MGMT: variants seen among roughly 807,000 people sequenced by gnomAD.
The protein encoded by MGMT is methylated-DNA--protein-cysteine methyltransferase.
Under a neutral mutation model 15.9 loss-of-function variants are expected in MGMT, and 14 were observed. The observed-to-expected ratio is 0.88, with a 90% CI of 0.58 to 1.37. The LOEUF is 1.37. Among genes scored for constraint, MGMT ranks in the 40% most tolerant of loss-of-function variants. The pLI is 0.00. For synonymous variants in MGMT, 130 were observed against 118.2 expected (o/e 1.10, Z -0.65); for missense variants, 282 against 268.1 (o/e 1.05, Z -0.36).
chr10:129,582,719 G>T (rs571228407), intron 2 of MGMT, among the ~76,000 whole-genome samples: 2 of 151,822 alleles, frequency 1.3e-5, no homozygotes, highest in African/African-American at 2.4e-5. Flanking sequence ...TTCCCCCTTC[G>T]GATAAAGCAT....
chr10:129,602,601 C>T (rs1364154613), intron 2 of MGMT, among the ~76,000 whole-genome samples: 1 of 152,164 alleles, frequency 6.6e-6, no homozygotes, highest in African/African-American at 2.4e-5. Context: ...TCCTGCTGTC[C>T]TTTCGGCTTC....
At chr10:129,624,376 C>A (rs763703381) in intron 2 of MGMT, among the ~76,000 whole-genome samples, 16 of 152,152 alleles carry the variant, frequency 1.1e-4, no homozygotes, top group Non-Finnish European at 2.4e-4. Flanking sequence ...CTGTTGGACC[C>A]CGGGCCGTGT....
chr10:129,679,098 T>G (rs1847818770), intron 2 of MGMT, among the ~76,000 whole-genome samples: 1 of 151,874 alleles, frequency 6.6e-6, no homozygotes, highest in Non-Finnish European at 1.5e-5. Context: ...AATCGTGATA[T>G]TCTTGATAGG....
intron 1 of MGMT, among the ~76,000 whole-genome samples, chr10:129,469,111 A>G (rs374463857): frequency 1.5e-4 from 23 of 152,154 alleles, no homozygotes; most frequent in African/African-American, 1.7e-4. Flanking sequence ...AGGTGTCTCA[A>G]TCAGGGCCTC....
At chr10:129,570,089 CACCCTCCGCAG>C in intron 2 of MGMT, among the ~76,000 whole-genome samples, 1 of 152,338 alleles carries the variant, frequency 6.6e-6, no homozygotes, top group Middle Eastern at 3.4e-3. Flanking sequence ...TTGGCCACAG[CACCCTCCGCAG>C]ACCCTCACGT....
intron 2 of MGMT, among the ~76,000 whole-genome samples, chr10:129,693,230 CT>C (rs1486988306): frequency 6.6e-6 from 1 of 152,182 alleles, no homozygotes; most frequent in South Asian, 2.1e-4. Context: ...GTCTGGGAGA[CT>C]TTTCCAAGAA....
intron 2 of MGMT, among the ~76,000 whole-genome samples, chr10:129,621,266 C>T (rs1001840841): frequency 6.6e-6 from 1 of 152,202 alleles, no homozygotes; most frequent in Non-Finnish European, 1.5e-5. Context: ...CAATGCAAGA[C>T]CTTCACCACA....
intron 2 of MGMT, among the ~76,000 whole-genome samples, chr10:129,682,669 A>C (rs1847865900): frequency 6.6e-6 from 1 of 152,210 alleles, no homozygotes; most frequent in Admixed American, 6.5e-5. Context: ...GGTGACATCA[A>C]ATAAGATAGG....
intron 2 of MGMT, among the ~76,000 whole-genome samples, chr10:129,612,817 G>A (rs1846977149): frequency 6.6e-6 from 1 of 152,182 alleles, no homozygotes; most frequent in Admixed American, 6.5e-5. Context: ...TATTTAAAGA[G>A]GTATTTTTAT....
chr10:129,725,713 G>A (rs946645898), intron 3 of MGMT, among the ~76,000 whole-genome samples: 2 of 152,224 alleles, frequency 1.3e-5, no homozygotes, highest in South Asian at 2.1e-4. Context: ...CCAGATTGGA[G>A]CAGCACCCTG....
At position 129,767,239 on chromosome 10, in the gene MGMT, G is replaced by A. The variant is rs937935147; in HGVS notation, c.*242G>A. 1 of 395,692 alleles carries A rather than the reference G, an allele frequency of 2.5e-6. No homozygotes were observed. Among genetic ancestry groups the A allele is most frequent in the Non-Finnish European group, 4.6e-6 (1 of 219,018 alleles). The allele number at this position is 395,692 out of a possible 1,614,324, so 24.5% of individuals were successfully genotyped here. A position where few individuals can be genotyped will look rare whatever the true frequency, so the allele number is the denominator to read the frequency against. On this transcript the variant is annotated 3_prime_UTR_variant, in exon 5 of 5. Transcript: ENST00000651593. ...TCATGTCCATTAAAACAGGCCAAGT[G>A]AGTGTGGAAGGCCTGGCTCATGTTG...
intron 4 of MGMT, among the ~76,000 whole-genome samples, chr10:129,760,303 CCA>C (rs753967610): frequency 6.6e-6 from 1 of 152,184 alleles, no homozygotes; most frequent in African/African-American, 2.4e-5. Flanking sequence ...TTGGGAGAAC[CCA>C]CACAACCTCA....
chr10:129,538,512 T>TA (rs1564846022), intron 2 of MGMT, among the ~76,000 whole-genome samples: 1 of 152,276 alleles, frequency 6.6e-6, no homozygotes, highest in Non-Finnish European at 1.5e-5. Context: ...TTAGCCATTC[T>TA]GGCTGGTATG....
In MGMT at chr10:129,622,800, AAAAG is replaced by A. The variant is rs563196213; in HGVS notation, c.126-85090_126-85087del. Among the ~76,000 whole-genome samples the A allele has an allele frequency of 2.6e-3, 403 of 152,320 alleles. 2 individuals carry two copies. Among genetic ancestry groups the A allele is most frequent in the African/African-American group, 9.1e-3 (380 of 41,562 alleles). ...TTTCAATAAATGGCCTGTAAAAAAA[AAAAG>A]AAAGTATTTAGAGTTAGTGAGTTGA... On this transcript the variant is annotated intron_variant, in intron 2 of 4. Coordinates refer to ENST00000651593, the MANE Select transcript of MGMT (RefSeq NM_002412.5).
At chr10:129,653,803 A>G (rs1453557629) in intron 2 of MGMT, among the ~76,000 whole-genome samples, 1 of 152,214 alleles carries the variant, frequency 6.6e-6, no homozygotes, top group Non-Finnish European at 1.5e-5. Context: ...CCCACAGCCC[A>G]GGGTGTTTAG....
At chr10:129,744,144 T>C (rs1279536415) in intron 3 of MGMT, among the ~76,000 whole-genome samples, 1 of 152,228 alleles carries the variant, frequency 6.6e-6, no homozygotes, top group Non-Finnish European at 1.5e-5. Context: ...CCTGTCCTTC[T>C]AGAGGCCAGG....
intron 2 of MGMT, among the ~76,000 whole-genome samples, chr10:129,574,331 C>T (rs1164230280): frequency 6.6e-6 from 1 of 152,220 alleles, no homozygotes; most frequent in East Asian, 1.9e-4. Flanking sequence ...CAGCCCTTTC[C>T]ACCCGTAGCA....
At chr10:129,669,141 A>T (rs895021901) in intron 2 of MGMT, among the ~76,000 whole-genome samples, 22 of 152,166 alleles carry the variant, frequency 1.4e-4, no homozygotes, top group African/African-American at 5.1e-4. Flanking sequence ...AAATTATAGG[A>T]CACTAGGTTT....
At chr10:129,685,307 G>C (rs995823542) in intron 2 of MGMT, among the ~76,000 whole-genome samples, 1 of 152,218 alleles carries the variant, frequency 6.6e-6, no homozygotes, top group Non-Finnish European at 1.5e-5. Flanking sequence ...ACAGAATCTT[G>C]CTGGTGTCTC....
Sources: gnomAD v4.1 joint callset for allele counts (sites outside exome capture counted in the v4.1 genomes callset) on GRCh38, gnomAD v4.1.1 for gene constraint, MANE v1.5 for transcripts, NCBI Gene and HGNC (gene_info 2026-07-23, HGNC 2026-07-21) for gene names.